Variants in MAP3K6 observed in about 807,000 individuals in gnomAD.
MAP3K6 encodes apoptosis signal-regulating kinase 2.
Under a neutral mutation model 147.1 loss-of-function variants are expected in MAP3K6, and 105 were observed. The ratio of observed to expected loss-of-function variants is 0.71; its 90% CI spans 0.61 to 0.84. The LOEUF (loss-of-function observed/expected upper bound fraction) is 0.84. Ranked by LOEUF, MAP3K6 falls within the 40% of genes least tolerant of loss-of-function variation. The pLI is 0.00. For synonymous variants in MAP3K6, 695 were observed against 732.4 expected (o/e 0.95, Z 0.82); for missense variants, 1,569 against 1,715.0 (o/e 0.91, Z 1.50).
At position 27,362,733 on chromosome 1, in the gene MAP3K6, AC is replaced by A; in HGVS notation, c.1162del (p.Val388Ter). ...AYHWYRKAFD[V>X]EPSLHSGINA... ...GATGCCTGAGTGAAGGCTGGGCTCTACGTCAAAAGCCTTGCGATACCTGGGG... is the reference window on the plus strand; with the variant it reads ...GATGCCTGAGTGAAGGCTGGGCTCTAGTCAAAAGCCTTGCGATACCTGGGG... On this transcript the variant is annotated frameshift_variant, in exon 8 of 29. Transcript: ENST00000357582. LOFTEE classifies it high-confidence loss of function. The A allele has an allele frequency of 6.2e-7, 1 of 1,612,412 alleles. No homozygotes were observed. Among genetic ancestry groups the A allele is most frequent in the Non-Finnish European group, 8.5e-7 (1 of 1,179,192 alleles).
chr1:27,359,052 G>A lies in MAP3K6; in HGVS notation c.2426-186C>T, dbSNP rs1312458813. Among the ~76,000 whole-genome samples, 2 of 151,946 alleles carry A rather than the reference G, an allele frequency of 1.3e-5. No individual in the cohort carries two copies. The highest frequency in any genetic ancestry group is 6.6e-5 in the Admixed American group (1 of 15,246). On this transcript the variant is annotated intron_variant, in intron 18 of 28. Coordinates refer to ENST00000357582, the MANE Select transcript of MAP3K6 (RefSeq NM_004672.5). The surrounding 1 kb of genome is among the most constrained non-coding windows in gnomAD (Gnocchi z 4.4). Reference sequence around the variant, plus strand: ...TTCCATCACCACCCTGGGCTCCATCGCCTGCCAAGGCTTCCGTCATTCATC... The same window carrying A: ...TTCCATCACCACCCTGGGCTCCATCACCTGCCAAGGCTTCCGTCATTCATC...
rs140615374 is a variant in MAP3K6 at position 27,358,515 on chromosome 1, G to A, written c.2680C>T (p.Arg894Ter). ...CCCAGCAGTGTCTGGGCGCTGGCTCGGAGGCGGGGGTCTGGCTCAAAAGTT... is the reference window on the plus strand; with the variant it reads ...CCCAGCAGTGTCTGGGCGCTGGCTCAGAGGCGGGGGTCTGGCTCAAAAGTT... ...LRTFEPDPRL[R>*]ASAQTLLGDP... The change falls in exon 20 of 29, where the codon CGA becomes TGA. Residue 894 changes from arginine (R) to a stop codon, truncating the protein, a stop_gained. Coordinates refer to ENST00000357582, the MANE Select transcript of MAP3K6 (RefSeq NM_004672.5). LOFTEE classifies it high-confidence loss of function. This position sits in a 1 kb window ranked among gnomAD's most constrained non-coding sequence, Gnocchi z 6.2. 13 of 1,605,946 alleles carry A rather than the reference G, an allele frequency of 8.1e-6. No homozygotes were observed. Among genetic ancestry groups the A allele is most frequent in the East Asian group, 6.7e-5 (3 of 44,866 alleles).
Position 27,364,662 on chromosome 1 carries a change from G to T in MAP3K6, c.503C>A (p.Ser168Ter). ...ALREDVFQKN[S>*]DCVGSYTLIP... ...GAGTGAGAGGTGGATTCTGCTCACC[G>T]AGTTCTTCTGGAAAACATCCTCCTG... Residue 168 changes from serine (S) to a stop codon, truncating the protein, a stop_gained and splice_region_variant, in exon 3 of 29, where the codon TCG becomes TAG. Coordinates refer to ENST00000357582, the MANE Select transcript of MAP3K6 (RefSeq NM_004672.5). LOFTEE classifies it high-confidence loss of function. This position sits in a 1 kb window ranked among gnomAD's most constrained non-coding sequence, Gnocchi z 4.4. 1 of 1,614,114 alleles carries T rather than the reference G, an allele frequency of 6.2e-7. No individual in the cohort carries two copies. Among genetic ancestry groups the T allele is most frequent in the Non-Finnish European group, 8.5e-7 (1 of 1,180,022 alleles).
At position 27,360,403 on chromosome 1, in the gene MAP3K6, A is replaced by G. The variant is rs1292851632; in HGVS notation, c.2055-35T>C. 6.3e-7 allele frequency: 1 copy of G among 1,599,216 alleles called. No individual in the cohort carries two copies. The highest frequency in any genetic ancestry group is 8.5e-7 in the Non-Finnish European group (1 of 1,171,506). On this transcript the variant is annotated intron_variant, in intron 15 of 28. Transcript: ENST00000357582. This position sits in a 1 kb window ranked among gnomAD's most constrained non-coding sequence, Gnocchi z 4.5. ...GGTAAGGGAGAGAGGAAAGGGACCG[A>G]GGTGGGCAGAGAAGCCCCGCCCATC...
chr1:27,363,150 C>T (rs2015846768), intron 6 of MAP3K6, 129 bp from the exon 7 acceptor site: 3 of 810,034 alleles, frequency 3.7e-6, no homozygotes, highest in Non-Finnish European at 5.8e-6. Context: ...GATAATGACC[C>T]TGGCCAGCAC....
At position 27,359,891 on chromosome 1, in the gene MAP3K6, C is replaced by A. The variant is rs775573751; in HGVS notation, c.2286G>T (p.Leu762Phe). 2 of 1,614,034 alleles carry A rather than the reference C, an allele frequency of 1.2e-6. No homozygotes were observed. The highest frequency in any genetic ancestry group is 2.7e-5 in the African/African-American group (2 of 74,908). ...TRQILQGLGY[L>F]HDNHIVHRDI... ...CCCTGTGCACGATGTGGTTGTCGTG[C>A]AAGTAGCCAAGTCCCTGCAGGATCT... The change falls in exon 17 of 29, where the codon TTG (leucine) becomes TTT (phenylalanine). Residue 762 changes from leucine (L) to phenylalanine (F), a missense_variant. Leu to Phe is a conservative substitution (Grantham distance 22). Transcript: ENST00000357582. The surrounding 1 kb of genome is among the most constrained non-coding windows in gnomAD (Gnocchi z 4.4).
In MAP3K6 at chr1:27,359,917, G is replaced by A. The variant is rs762640731; in HGVS notation, c.2260C>T (p.Gln754Ter). Reference sequence around the variant, plus strand: ...AAGTAGCCAAGTCCCTGCAGGATCTGGCGGGTGTAGAAACTGATGGTGCTC... The same window carrying A: ...AAGTAGCCAAGTCCCTGCAGGATCTAGCGGGTGTAGAAACTGATGGTGCTC... ...NESTISFYTRQILQGLGYLHD... is the reference protein window; with the variant it reads ...NESTISFYTR Residue 754 changes from glutamine to a stop codon, truncating the protein, a stop_gained, in exon 17 of 29, where the codon CAG becomes TAG. Coordinates refer to ENST00000357582, the MANE Select transcript of MAP3K6 (RefSeq NM_004672.5). LOFTEE classifies it high-confidence loss of function. This position sits in a 1 kb window ranked among gnomAD's most constrained non-coding sequence, Gnocchi z 4.4. The A allele has an allele frequency of 8.1e-6, 13 of 1,614,184 alleles. No individual in the cohort carries two copies. In the South Asian group the frequency reaches 1.4e-4, roughly 18 times the overall value.
In MAP3K6 at chr1:27,357,786, G is replaced by C. The variant is rs200792050; in HGVS notation, c.3006C>G (p.Ala1002=). Residue 1002 remains alanine (A), a synonymous_variant, in exon 22 of 29, where the codon GCC becomes GCG. Transcript: ENST00000357582. The part of the protein sequence containing the change: ...SLLHQESKRR[A]MLAAVLEQEL... ...CCTGCTCCAATACTGCGGCCAGCAT[G>C]GCCCGACGCTTGCTCTCCTGGTGCA... is the stretch of plus-strand genomic sequence containing the variant. 7.5e-6 allele frequency: 12 copies of C among 1,609,810 alleles called. No homozygotes were observed. The highest frequency in any genetic ancestry group is 8.5e-7 in the Non-Finnish European group (1 of 1,179,100).
rs762884951 is a variant in MAP3K6, at chr1:27,364,444, T to C, written c.505-50A>G. 3 of 1,599,518 alleles carry C rather than the reference T, an allele frequency of 1.9e-6. No homozygotes were observed. Among genetic ancestry groups the C allele is most frequent in the Non-Finnish European group, 2.6e-6 (3 of 1,168,418 alleles). ...GTGAGGTCAGAGGTCAGCACAGGGC[T>C]AGACAAGGGGAGTGAGAGCATCAAA... is the stretch of plus-strand genomic sequence containing the variant. On this transcript the variant is annotated intron_variant, in intron 3 of 28. Coordinates refer to ENST00000357582, the MANE Select transcript of MAP3K6 (RefSeq NM_004672.5). The surrounding 1 kb of genome is among the most constrained non-coding windows in gnomAD (Gnocchi z 4.4).
chr1:27,362,308 C>CAGAAATGGTGGGCCTCA, intron 8 of MAP3K6, 58 bp from the exon 9 acceptor site: 1 of 1,528,296 alleles, frequency 6.5e-7, no homozygotes, highest in Non-Finnish European at 8.9e-7. Flanking sequence ...GTGAGGCCCA[C>CAGAAATGGTGGGCCTCA]CATTTCTGTG....
chr1:27,358,896 A>T lies in MAP3K6; in HGVS notation c.2426-30T>A, dbSNP rs1280574324. 3 of 1,538,896 alleles carry T rather than the reference A, an allele frequency of 1.9e-6. No individual in the cohort carries two copies. ...GACAGAAACAGGAGCACCAATGCCCATCTAGGCTTCATCATGGGGTTGGAG... is the reference window on the plus strand; with the variant it reads ...GACAGAAACAGGAGCACCAATGCCCTTCTAGGCTTCATCATGGGGTTGGAG... On this transcript the variant is annotated intron_variant, in intron 18 of 28. Transcript: ENST00000357582. The surrounding 1 kb of genome is among the most constrained non-coding windows in gnomAD (Gnocchi z 6.2).
intron 23 of MAP3K6, 93 bp downstream of exon 23, chr1:27,357,307 G>A (rs1487597854): frequency 4.1e-6 from 6 of 1,476,642 alleles, no homozygotes; most frequent in Non-Finnish European, 4.6e-6. Flanking sequence ...AGGAGACAGG[G>A]AATCTGGGAA....
chr1:27,357,602 G>C, intron 22 of MAP3K6, 26 bp from the exon 23 acceptor site: 2 of 1,598,230 alleles, frequency 1.3e-6, no homozygotes, highest in African/African-American at 2.7e-5. Context: ...GGGGTTGTCA[G>C]CGAGTGCTCC....
chr1:27,364,013 C>T lies in MAP3K6; in HGVS notation c.768G>A (p.Arg256=). ...TCCGCTGCAGGCGAGCCAGCTCCTGCCGCAGCTGTGGCCCACTGAACCGCT... is the reference window on the plus strand; with the variant it reads ...TCCGCTGCAGGCGAGCCAGCTCCTGTCGCAGCTGTGGCCCACTGAACCGCT... ...ARERFSGPQL[R]QELARLQRRL... is the part of the protein sequence containing the mutation. Residue 256 remains arginine, a synonymous_variant, in exon 5 of 29, where the codon CGG becomes CGA. Transcript: ENST00000357582. This position sits in a 1 kb window ranked among gnomAD's most constrained non-coding sequence, Gnocchi z 4.4. 1 of 1,612,354 alleles carries T rather than the reference C, an allele frequency of 6.2e-7. No homozygotes were observed. The highest frequency in any genetic ancestry group is 8.5e-7 in the Non-Finnish European group (1 of 1,179,960).
chr1:27,366,273 CAT>C lies in MAP3K6; in HGVS notation c.323_324del (p.Asp108GlyfsTer29). The C allele has an allele frequency of 7.5e-6, 10 of 1,337,000 alleles. No individual in the cohort carries two copies. The highest frequency in any genetic ancestry group is 3.7e-5 in the Admixed American group (1 of 27,100). The allele number at this position is 1,337,000 out of a possible 1,614,324, so 82.8% of individuals were successfully genotyped here. ...GCGCTCTCACCCGCGTTGTAGAAGG[CAT>C]CCAGAGCCGCGGTGTCGCCTAGCTC... The part of the protein sequence containing the change: ...TLELGDTAAL[D>X]AFYNADVVVL... On this transcript the variant is annotated frameshift_variant, in exon 1 of 29. Coordinates refer to ENST00000357582, the MANE Select transcript of MAP3K6 (RefSeq NM_004672.5). LOFTEE classifies it high-confidence loss of function. This position sits in a 1 kb window ranked among gnomAD's most constrained non-coding sequence, Gnocchi z 5.5.
chr1:27,363,133 T>A, intron 6 of MAP3K6, 112 bp from the exon 7 acceptor site: 1 of 969,664 alleles, frequency 1.0e-6, no homozygotes, highest in Non-Finnish European at 1.5e-6. Context: ...AATAATGACC[T>A]CAAAATGATA....
In MAP3K6 at chr1:27,358,522, G is replaced by C. The variant is rs759879261; in HGVS notation, c.2673C>G (p.Pro891=). 2 of 1,607,400 alleles carry C rather than the reference G, an allele frequency of 1.2e-6. No individual in the cohort carries two copies. The highest frequency in any genetic ancestry group is 2.7e-5 in the African/African-American group (2 of 74,402). The change falls in exon 20 of 29, where the codon CCC becomes CCG. Residue 891 remains proline, a synonymous_variant. Coordinates refer to ENST00000357582, the MANE Select transcript of MAP3K6 (RefSeq NM_004672.5). This position sits in a 1 kb window ranked among gnomAD's most constrained non-coding sequence, Gnocchi z 6.2. ...GTGTCTGGGCGCTGGCTCGGAGGCG[G>C]GGGTCTGGCTCAAAAGTTCGGAGGA... is the stretch of plus-strand genomic sequence containing the variant. ...AFLLRTFEPD[P]RLRASAQTLL... is the part of the protein sequence containing the mutation.
chr1:27,366,507 G>A lies in MAP3K6; in HGVS notation c.91C>T (p.Leu31Phe). Residue 31 changes from leucine to phenylalanine, a missense_variant, in exon 1 of 29, where the codon CTC becomes TTC. Physicochemically the swap from Leu to Phe is conservative, Grantham distance 22. Transcript: ENST00000357582. The surrounding 1 kb of genome is among the most constrained non-coding windows in gnomAD (Gnocchi z 5.5). ...CAGCCCCGGCCCGGGGGCGCCGCGAGCTGCCGGCCCCGGCTCAGCGCCACG... is the reference window on the plus strand; with the variant it reads ...CAGCCCCGGCCCGGGGGCGCCGCGAACTGCCGGCCCCGGCTCAGCGCCACG... ...LAVALSRGRQ[L>F]AAPPGRGCAR... 1 of 1,113,376 alleles carries A rather than the reference G, an allele frequency of 9.0e-7. No homozygotes were observed. Among genetic ancestry groups the A allele is most frequent in the Middle Eastern group, 3.8e-4 (1 of 2,604 alleles). The allele number at this position is 1,113,376 out of a possible 1,614,324, so 69.0% of individuals were successfully genotyped here. A position where few individuals can be genotyped will look rare whatever the true frequency, so the allele number is the denominator to read the frequency against.
chr1:27,363,740 T>G (rs2015870839), intron 5 of MAP3K6, among the ~76,000 whole-genome samples, 177 bp downstream of exon 5: 1 of 152,184 alleles, frequency 6.6e-6, no homozygotes, highest in East Asian at 1.9e-4. Context: ...ACCCCACAAC[T>G]GCCCCAGGAG....
Sources: gnomAD v4.1 joint callset for allele counts (sites outside exome capture counted in the v4.1 genomes callset) on GRCh38, gnomAD v4.1.1 for gene constraint, Gnocchi (gnomAD v3.1) non-coding constraint, MANE v1.5 for transcripts, NCBI Gene and HGNC (gene_info 2026-07-23, HGNC 2026-07-21) for gene names.